The following STPG2 variants were observed in gnomAD, a reference collection of about 807,000 sequenced individuals.
STPG2 encodes the protein sperm tail PG-rich repeat containing 2.
STPG2 carries 56 observed loss-of-function variants against 54.2 expected under a neutral mutation model. The observed-to-expected ratio is 1.03, with a 90% confidence interval of 0.83 to 1.29. STPG2 has a LOEUF of 1.29. Among genes scored for constraint, STPG2 ranks in the 50% most tolerant of loss-of-function variants. The pLI is 0.00. For synonymous variants in STPG2, 200 were observed against 181.8 expected, an observed-to-expected ratio of 1.10 and a Z score of -0.81; for missense variants, 596 against 544.9, an observed-to-expected ratio of 1.09 and a Z score of -0.93.
At chr4:97,577,080 T>TA (rs1368424097) in intron 10 of STPG2, among the ~76,000 whole-genome samples, 2 of 151,768 alleles carry the variant, frequency 1.3e-5, no homozygotes, top group Non-Finnish European at 2.9e-5. Flanking sequence ...TACTAAAAAG[T>TA]AAAAAAATAA....
intron 5 of STPG2, among the ~76,000 whole-genome samples, chr4:98,021,442 T>C (rs1427107839): frequency 6.6e-6 from 1 of 151,444 alleles, no homozygotes; most frequent in Non-Finnish European, 1.5e-5. Context: ...CTTCCAACTA[T>C]GTGGTCAATT....
intron 5 of STPG2, among the ~76,000 whole-genome samples, chr4:98,102,880 A>G: frequency 6.7e-6 from 1 of 148,768 alleles, no homozygotes; most frequent in East Asian, 1.9e-4. Flanking sequence ...TATATCATGT[A>G]ATATATTAAC....
At chr4:98,095,769 G>T (rs1230036927) in intron 5 of STPG2, among the ~76,000 whole-genome samples, 1 of 152,108 alleles carries the variant, frequency 6.6e-6, no homozygotes, top group Non-Finnish European at 1.5e-5. Flanking sequence ...CTCCCAAAGA[G>T]AAAATCAACA....
intron 10 of STPG2, among the ~76,000 whole-genome samples, chr4:97,586,176 A>G (rs1008039532): frequency 2.0e-5 from 3 of 151,980 alleles, no homozygotes; most frequent in African/African-American, 4.8e-5. Flanking sequence ...CCAAAAATTC[A>G]GTAATAGAAA....
Position 98,134,399 on chromosome 4 carries a change from C to A in STPG2, c.170G>T (p.Ser57Ile), listed in dbSNP as rs1489817885. Residue 57 changes from serine to isoleucine, a missense_variant, in exon 2 of 11, where the codon AGC becomes ATC. By Grantham distance (142) the Ser-to-Ile change is moderately radical. Transcript: ENST00000295268. ...TGGACCTGGAACAGCTTTCTCAATG[C>A]TAGAGGCAATGGTAAAAGTACTTTC... ...ARESTFTIASSIEKAVPGPGH... is the reference protein window; with the variant it reads ...ARESTFTIASIIEKAVPGPGH... 2 of 1,588,174 alleles carry A rather than the reference C, an allele frequency of 1.3e-6. No homozygotes were observed. The highest frequency in any genetic ancestry group is 1.7e-5 in the Admixed American group (1 of 57,994).
intron 9 of STPG2, among the ~76,000 whole-genome samples, chr4:97,716,027 G>A (rs912268116): frequency 2.6e-5 from 4 of 152,108 alleles, no homozygotes; most frequent in Non-Finnish European, 5.9e-5. Flanking sequence ...AAAGGTTGGC[G>A]AAGGATATGA....
Position 97,825,836 on chromosome 4 carries a change from C to A in STPG2, c.1204+14937G>T, listed in dbSNP as rs553726429. Among the ~76,000 whole-genome samples, 146 of 152,242 alleles carry A rather than the reference C, an allele frequency of 9.6e-4. 5 individuals are homozygous for A. The South Asian group carries it at 0.029, about 31-fold the overall frequency. On this transcript the variant is annotated intron_variant, in intron 9 of 10. Transcript: ENST00000295268. ...GTGTAATGCCTTTTACTTCATGTAACATATCTTTGGTAAATAAATAAAGTT... is the reference window on the plus strand; with the variant it reads ...GTGTAATGCCTTTTACTTCATGTAAAATATCTTTGGTAAATAAATAAAGTT...
At chr4:97,709,666 T>G (rs1172085654) in intron 10 of STPG2, among the ~76,000 whole-genome samples, 2 of 151,772 alleles carry the variant, frequency 1.3e-5, no homozygotes, top group African/African-American at 2.4e-5. Flanking sequence ...TAATTTAAAT[T>G]TCAGAAAATC....
chr4:97,759,802 A>C (rs1398420584), intron 9 of STPG2, among the ~76,000 whole-genome samples: 3 of 152,158 alleles, frequency 2.0e-5, no homozygotes, highest in Non-Finnish European at 2.9e-5. Context: ...TTCTACCTAT[A>C]ATAAGCCAGA....
intron 8 of STPG2, among the ~76,000 whole-genome samples, chr4:97,904,378 C>T (rs1312572886): frequency 6.6e-6 from 1 of 152,190 alleles, no homozygotes; most frequent in African/African-American, 2.4e-5. Context: ...CTCCAACAGA[C>T]CTGCAGCTGA....
intron 2 of STPG2, among the ~76,000 whole-genome samples, chr4:98,130,815 A>ATCCACATTG (rs1739966477): frequency 6.6e-6 from 1 of 151,194 alleles, no homozygotes; most frequent in South Asian, 2.1e-4. Flanking sequence ...CCAGCTACTC[A>ATCCACATTG]AGAAGCTGTG....
chr4:97,566,555 C>T (rs28820017), intron 10 of STPG2, among the ~76,000 whole-genome samples: 7 of 152,088 alleles, frequency 4.6e-5, no homozygotes, highest in African/African-American at 7.2e-5. Context: ...TGTAGACTGG[C>T]GCTGTTCCTA....
At chr4:97,813,081 T>C (rs576854419) in intron 9 of STPG2, among the ~76,000 whole-genome samples, 4 of 152,208 alleles carry the variant, frequency 2.6e-5, no homozygotes, top group Non-Finnish European at 4.4e-5. Context: ...TCTTAACTCT[T>C]TCACCACTAC....
chr4:97,516,562 C>T (rs902281945), intron 4 of STPG2, among the ~76,000 whole-genome samples: 2 of 151,998 alleles, frequency 1.3e-5, no homozygotes, highest in South Asian at 2.1e-4. Context: ...GTGGCTGACA[C>T]GTGTAATCCC....
intron 10 of STPG2, among the ~76,000 whole-genome samples, chr4:97,641,683 T>C (rs1049363007): frequency 6.6e-6 from 1 of 150,824 alleles, no homozygotes; most frequent in Admixed American, 6.6e-5. Context: ...TATGTCCAAA[T>C]GGAAAAAAAT....
intron 8 of STPG2, among the ~76,000 whole-genome samples, chr4:97,933,638 T>C (rs893305829): frequency 2.0e-5 from 3 of 152,210 alleles, no homozygotes; most frequent in Admixed American, 6.5e-5. Flanking sequence ...CCCCCTTGCC[T>C]GTTTTTGTCA....
intron 8 of STPG2, among the ~76,000 whole-genome samples, chr4:97,868,538 T>C (rs1301961810): frequency 6.6e-6 from 1 of 151,894 alleles, no homozygotes; most frequent in Admixed American, 6.6e-5. Context: ...AGGGAAGTTA[T>C]TTTTTAATTC....
At chr4:97,967,396 C>A (rs1368293121) in intron 7 of STPG2, among the ~76,000 whole-genome samples, 1 of 151,922 alleles carries the variant, frequency 6.6e-6, no homozygotes, top group Non-Finnish European at 1.5e-5. Context: ...TAGACTCCTA[C>A]ACAATAATAA....
chr4:97,519,239 T>C (rs1239592458), intron 4 of STPG2, among the ~76,000 whole-genome samples: 1 of 152,070 alleles, frequency 6.6e-6, no homozygotes, highest in Non-Finnish European at 1.5e-5. Flanking sequence ...TGCTTTTCAC[T>C]ATCCACCACA....
Sources: allele counts gnomAD v4.1 joint callset (sites outside exome capture counted in the v4.1 genomes callset), GRCh38; gene constraint gnomAD v4.1.1; transcripts MANE v1.5; gene names NCBI Gene and HGNC (gene_info 2026-07-23, HGNC 2026-07-21).